The following GNG4 variants were observed in gnomAD, a reference collection of about 807,000 sequenced individuals.
GNG4 encodes guanine nucleotide-binding protein G(I)/G(S)/G(O) subunit gamma-4.
GNG4 carries 4 observed loss-of-function variants against 5.8 expected under a neutral mutation model. The ratio of observed to expected loss-of-function variants is 0.69; its 90% confidence interval spans 0.34 to 1.57. The LOEUF is 1.57. GNG4 is among the 40% of genes most tolerant of loss of function. The pLI, the probability that GNG4 is intolerant of heterozygous loss-of-function variation, is 0.06. For synonymous variants in GNG4, 29 were observed against 32.9 expected, an observed-to-expected ratio of 0.88 and a Z score of 0.41; for missense variants, 96 against 95.1, an observed-to-expected ratio of 1.01 and a Z score of -0.04.
chr1:235,620,679 G>A (rs544520576), intron 1 of GNG4, among the ~76,000 whole-genome samples: 1 of 152,218 alleles, frequency 6.6e-6, no homozygotes, highest in East Asian at 2.0e-4. Context: ...GGGACTACAG[G>A]TGCCCGCCAC....
At chr1:235,637,168 G>A in intron 1 of GNG4, among the ~76,000 whole-genome samples, 1 of 152,056 alleles carries the variant, frequency 6.6e-6, no homozygotes. Context: ...GCTAGTGATT[G>A]CTCCTTTGAA....
At chr1:235,625,925 A>C (rs1688800072) in intron 1 of GNG4, among the ~76,000 whole-genome samples, 1 of 152,180 alleles carries the variant, frequency 6.6e-6, no homozygotes, top group Admixed American at 6.5e-5. Context: ...TGTGAACATA[A>C]GTTTTCAACC....
At chr1:235,578,942 C>A (rs891819280) in intron 3 of GNG4, among the ~76,000 whole-genome samples, 1 of 151,872 alleles carries the variant, frequency 6.6e-6, no homozygotes, top group African/African-American at 2.4e-5. Flanking sequence ...ACTAATAATA[C>A]AAAAATTAGC....
intron 3 of GNG4, among the ~76,000 whole-genome samples, chr1:235,562,407 G>T (rs923107760): frequency 6.6e-6 from 1 of 152,082 alleles, no homozygotes; most frequent in African/African-American, 2.4e-5. Context: ...AGCACTTTGG[G>T]AGGTCGAGGC....
chr1:235,583,791 G>A lies in GNG4; in HGVS notation c.48C>T (p.Ala16=). The part of the protein sequence containing the change: ...SNNSTTSISQ[A]RKAVEQLKME... The stretch of plus-strand genomic sequence containing the variant: ...TCTTTAGCTGCTCCACAGCTTTCCT[G>A]GCTTGGGAGATGCTAGTGGTGCTGT... Residue 16 remains alanine (A), a synonymous_variant, in exon 3 of 4, where the codon GCC becomes GCT. Transcript: ENST00000391854. The A allele has an allele frequency of 6.2e-7, 1 of 1,613,938 alleles. No homozygotes were observed. Among genetic ancestry groups the A allele is most frequent in the South Asian group, 1.1e-5 (1 of 91,054 alleles).
rs529186120 is a variant in GNG4, at chr1:235,561,071, G to A, written c.100-8834C>T. Among the ~76,000 whole-genome samples, 11 of 152,204 alleles carry A rather than the reference G, an allele frequency of 7.2e-5. No homozygotes were observed. In the South Asian group the frequency reaches 1.9e-3, roughly 26 times the overall value. On this transcript the variant is annotated intron_variant, in intron 3 of 3. Coordinates refer to ENST00000391854, the MANE Select transcript of GNG4 (RefSeq NM_001098722.2). ...TGTCGCCAGGCTGCAGTGCAGTGGC[G>A]CCATCTCGGCTCACTGCAAGCTCCA...
intron 1 of GNG4, among the ~76,000 whole-genome samples, chr1:235,621,679 A>AC (rs1475976896): frequency 8.9e-6 from 1 of 112,036 alleles, no homozygotes; most frequent in Admixed American, 9.5e-5. Context: ...GCAGTATTTT[A>AC]CCCTTTTTTT....
intron 2 of GNG4, among the ~76,000 whole-genome samples, chr1:235,587,554 T>TG (rs1159905442): frequency 0.019 from 12 of 644 alleles, no homozygotes; most frequent in South Asian, 0.17. Flanking sequence ...TGGGTTGGGG[T>TG]TGTGAATGTG....
At chr1:235,650,152 C>A (rs1571933925), upstream of GNG4, among the ~76,000 whole-genome samples, 1 of 150,748 alleles carries the variant, frequency 6.6e-6, no homozygotes, top group Admixed American at 6.6e-5. Flanking sequence ...CTCGGGCCCA[C>A]GCCCCCTGTC....
Position 235,548,294 on chromosome 1 carries a change from CAGAAAACT to C in GNG4, c.*3807_*3814del, listed in dbSNP as rs987206614. ...GGAGTTTGCTGGCTCAAAGAATTGA[CAGAAAACT>C]AGAAGGGAGGTCTGTAGGAAGATAG... On this transcript the variant is annotated 3_prime_UTR_variant, in exon 4 of 4. Transcript: ENST00000391854. The C allele has an allele frequency of 3.9e-5, 6 of 152,158 alleles. No individual in the cohort carries two copies. Among genetic ancestry groups the C allele is most frequent in the African/African-American group, 1.4e-4 (6 of 41,420 alleles). 9.4% of individuals were successfully genotyped at this position (152,158 alleles called of 1,614,324 possible). A position where few individuals can be genotyped will look rare whatever the true frequency, so the allele number is the denominator to read the frequency against.
intron 2 of GNG4, among the ~76,000 whole-genome samples, chr1:235,588,452 C>T (rs1196119794): frequency 6.6e-5 from 10 of 152,114 alleles, no homozygotes; most frequent in African/African-American, 2.4e-4. Context: ...TTAGCCTCAA[C>T]AGCATGACCC....
At chr1:235,621,116 G>A (rs1239375422) in intron 1 of GNG4, among the ~76,000 whole-genome samples, 3 of 149,952 alleles carry the variant, frequency 2.0e-5, no homozygotes, top group Non-Finnish European at 4.4e-5. Context: ...TCATTGGTCC[G>A]TCACCTTGGG....
chr1:235,581,356 C>T (rs1415203437), intron 3 of GNG4, among the ~76,000 whole-genome samples: 30 of 151,928 alleles, frequency 2.0e-4, no homozygotes, highest in Non-Finnish European at 2.9e-5. Flanking sequence ...GGTGAAACCC[C>T]GTCTCTACTA....
rs1657557021 is a variant in GNG4 at position 235,648,104 on chromosome 1, G to GT, written c.-123+1557dup. Among the ~76,000 whole-genome samples, 1 of 151,814 alleles carries GT rather than the reference G, an allele frequency of 6.6e-6. No individual in the cohort carries two copies. The highest frequency in any genetic ancestry group is 1.5e-5 in the Non-Finnish European group (1 of 68,012). Reference sequence around the variant, plus strand: ...GACTGCTGGGAATGGCCCCTTAGCTGTGCTGTTTCTGAGCCAGGCCTACAT... The same window carrying GT: ...GACTGCTGGGAATGGCCCCTTAGCTGTTGCTGTTTCTGAGCCAGGCCTACAT... On this transcript the variant is annotated intron_variant, in intron 1 of 3. Transcript: ENST00000391854. The surrounding 1 kb of genome is among the most constrained non-coding windows in gnomAD (Gnocchi z 5.0).
rs114848601 is a variant in GNG4, at chr1:235,639,928, G to A, written c.-123+9734C>T. ...ACATGGCACACAGCAGCTGTCAAAT[G>A]TCTCCTGGACGGCTCATGGGTGAAG... On this transcript the variant is annotated intron_variant, in intron 1 of 3. Coordinates refer to ENST00000391854, the MANE Select transcript of GNG4 (RefSeq NM_001098722.2). 7.4e-3 allele frequency among the ~76,000 whole-genome samples: 1,126 copies of A among 152,322 alleles called. 3 individuals are homozygous for A. Among genetic ancestry groups the A allele is most frequent in the Non-Finnish European group, 9.9e-3 (674 of 68,032 alleles).
At position 235,548,615 on chromosome 1, in the gene GNG4, G is replaced by A. The variant is rs965546270; in HGVS notation, c.*3494C>T. 6 of 116,728 alleles carry A rather than the reference G, an allele frequency of 5.1e-5. No homozygotes were observed. Among genetic ancestry groups the A allele is most frequent in the Admixed American group, 1.9e-4 (2 of 10,346 alleles). The allele number at this position is 116,728 out of a possible 1,614,324, so 7.2% of individuals were successfully genotyped here. Reference sequence around the variant, plus strand: ...CCACTTCCCGACTGGTATGGGGCTGGAAGCGGGGTGTGCCTGAGAGACAGG... The same window carrying A: ...CCACTTCCCGACTGGTATGGGGCTGAAAGCGGGGTGTGCCTGAGAGACAGG... On this transcript the variant is annotated 3_prime_UTR_variant, in exon 4 of 4. Coordinates refer to ENST00000391854, the MANE Select transcript of GNG4 (RefSeq NM_001098722.2).
chr1:235,642,258 C>T lies in GNG4; in HGVS notation c.-123+7404G>A, dbSNP rs1233165056. ...CGTGCAGGTGTCGCGGGTAAGCTGCCGCGGTTACTGTGAAGCAGGGCCAAG... is the reference window on the plus strand; with the variant it reads ...CGTGCAGGTGTCGCGGGTAAGCTGCTGCGGTTACTGTGAAGCAGGGCCAAG... On this transcript the variant is annotated intron_variant, in intron 1 of 3. Transcript: ENST00000391854. The surrounding 1 kb of genome is among the most constrained non-coding windows in gnomAD (Gnocchi z 4.3). Among the ~76,000 whole-genome samples, 2 of 152,210 alleles carry T rather than the reference C, an allele frequency of 1.3e-5. No individual in the cohort carries two copies. The highest frequency in any genetic ancestry group is 1.9e-4 in the East Asian group (1 of 5,192).
chr1:235,578,594 T>TA (rs1351545275), intron 3 of GNG4, among the ~76,000 whole-genome samples: 2 of 152,128 alleles, frequency 1.3e-5, no homozygotes, highest in African/African-American at 2.4e-5. Context: ...TACTGAGCCC[T>TA]AAAAAAGAAG....
At chr1:235,594,681 G>T (rs75324105) in intron 2 of GNG4, among the ~76,000 whole-genome samples, 12,819 of 152,230 alleles carry the variant, frequency 0.084, 835 homozygotes, top group African/African-American at 0.18. Context: ...CTCCCAGTGC[G>T]GGGCCGCTAA....
Sources: allele counts gnomAD v4.1 joint callset (sites outside exome capture counted in the v4.1 genomes callset), GRCh38; gene constraint gnomAD v4.1.1; non-coding constraint Gnocchi (gnomAD v3.1); transcripts MANE v1.5; gene names NCBI Gene and HGNC (gene_info 2026-07-23, HGNC 2026-07-21).